The following NCALD variants were observed in gnomAD, a reference collection of about 807,000 sequenced individuals.
The protein encoded by NCALD is neurocalcin-delta.
Under a neutral mutation model 18.6 loss-of-function variants are expected in NCALD, and 10 were observed. The ratio of observed to expected loss-of-function variants is 0.54; its 90% confidence interval spans 0.33 to 0.91. NCALD has a LOEUF of 0.91. NCALD is among the 40% of genes least tolerant of loss of function. The probability of loss-of-function intolerance (pLI) is 0.03; values close to 1 mark genes in which losing one functional copy is unlikely to be tolerated. For synonymous variants in NCALD, 88 were observed against 87.4 expected (o/e 1.01, Z -0.04); for missense variants, 184 against 247.6 (o/e 0.74, Z 1.72).
chr8:101,819,203 A>T (rs940076890), intron 4 of NCALD, among the ~76,000 whole-genome samples: 1 of 151,700 alleles, frequency 6.6e-6, no homozygotes, highest in Non-Finnish European at 1.5e-5. Context: ...TGAATATACC[A>T]TTTTCCCACA....
intron 2 of NCALD, among the ~76,000 whole-genome samples, chr8:101,934,067 T>C (rs1356745670): frequency 6.6e-6 from 1 of 152,192 alleles, no homozygotes; most frequent in Non-Finnish European, 1.5e-5. Context: ...CTCAGTTAGA[T>C]GATGAAGAGG....
At chr8:102,112,053 C>T (rs1181480327) in intron 1 of NCALD, among the ~76,000 whole-genome samples, 1 of 152,244 alleles carries the variant, frequency 6.6e-6, no homozygotes, top group South Asian at 2.1e-4. Context: ...AAAACAAAAA[C>T]ATTTTAGTAA....
At position 101,693,327 on chromosome 8, in the gene NCALD, T is replaced by TG. The variant is rs1814828096; in HGVS notation, c.379-432_379-431insC. The TG allele has an allele frequency of 3.2e-5, 3 of 94,332 alleles. No homozygotes were observed. The South Asian group carries it at 1.6e-3, about 51-fold the overall frequency. 5.8% of individuals were successfully genotyped at this position (94,332 alleles called of 1,614,324 possible). A position where few individuals can be genotyped will look rare whatever the true frequency, so the allele number is the denominator to read the frequency against. ...CCCCACCACACAGGGCGTTTTTTTT[T>TG]TTTTTTTTTTTTTTTTTTTTTTTTC... On this transcript the variant is annotated intron_variant, in intron 2 of 3. Transcript: ENST00000220931.
In NCALD at chr8:101,717,331, T is replaced by C. The variant is rs529183573; in HGVS notation, c.378+1921A>G. On this transcript the variant is annotated intron_variant, in intron 2 of 3. Coordinates refer to ENST00000220931, the MANE Select transcript of NCALD (RefSeq NM_032041.3). The stretch of plus-strand genomic sequence containing the variant: ...GACTTGGAGTCCTATACCCCATTCA[T>C]TGTCAAGCTTAATTAATTATAAACT... Among the ~76,000 whole-genome samples the C allele has an allele frequency of 4.6e-5, 7 of 152,352 alleles. No homozygotes were observed. In the South Asian group the frequency reaches 1.2e-3, roughly 27 times the overall value.
At chr8:101,753,654 T>C (rs10216921) in intron 1 of NCALD, among the ~76,000 whole-genome samples, 93,576 of 151,940 alleles carry the variant, frequency 0.62, 31,570 homozygotes, top group Non-Finnish European at 0.75. Context: ...AGGGTAGGGG[T>C]GGGGTTCCAA....
At chr8:101,854,157 T>C (rs1815210183) in intron 4 of NCALD, among the ~76,000 whole-genome samples, 1 of 152,220 alleles carries the variant, frequency 6.6e-6, no homozygotes, top group African/African-American at 2.4e-5. Flanking sequence ...TATTCCCTTA[T>C]GCCAACGAGG....
chr8:101,799,694 C>A (rs1188609148), intron 4 of NCALD, among the ~76,000 whole-genome samples: 1 of 152,154 alleles, frequency 6.6e-6, no homozygotes, highest in East Asian at 1.9e-4. Flanking sequence ...CTGTATGAAT[C>A]CACTTCCGTA....
At chr8:101,825,699 T>C (rs1281800905) in intron 4 of NCALD, among the ~76,000 whole-genome samples, 1 of 152,222 alleles carries the variant, frequency 6.6e-6, no homozygotes, top group Non-Finnish European at 1.5e-5. Context: ...AATCAGACTC[T>C]GAGTTCCCTT....
Position 101,804,035 on chromosome 8 carries a change from G to A in NCALD, c.-20+83106C>T, listed in dbSNP as rs113570587. Among the ~76,000 whole-genome samples, 610 of 151,930 alleles carry A rather than the reference G, an allele frequency of 4.0e-3. 8 individuals carry two copies. The highest frequency in any genetic ancestry group is 0.014 in the African/African-American group (565 of 41,438). On this transcript the variant is annotated intron_variant, in intron 4 of 6. Coordinates refer to the NCALD transcript ENST00000311028. ...ATAGCCACCCCAACCTTCAGCAATC[G>A]CCAGCCTGATCAGTCAGCAGCCATC...
intron 3 of NCALD, among the ~76,000 whole-genome samples, chr8:101,898,978 C>G (rs993717395): frequency 3.3e-5 from 5 of 152,002 alleles, no homozygotes; most frequent in Admixed American, 2.6e-4. Context: ...TTGGGGAGAA[C>G]TGACATCTTT....
intron 4 of NCALD, among the ~76,000 whole-genome samples, chr8:101,806,810 A>G (rs1277860424): frequency 6.6e-6 from 1 of 152,158 alleles, no homozygotes; most frequent in East Asian, 1.9e-4. Context: ...AAAGAAGCTA[A>G]TGAACTCCAA....
intron 1 of NCALD, among the ~76,000 whole-genome samples, chr8:102,099,846 C>G (rs1825218019): frequency 6.6e-6 from 1 of 151,940 alleles, no homozygotes; most frequent in Admixed American, 6.6e-5. Flanking sequence ...GCAGTGCACA[C>G]TTGTAATCCC....
intron 1 of NCALD, among the ~76,000 whole-genome samples, chr8:101,724,508 A>G (rs1372301522): frequency 1.3e-5 from 2 of 152,168 alleles, no homozygotes; most frequent in Admixed American, 6.5e-5. Context: ...CAGTTTTCTC[A>G]TCTGTAAAAT....
At chr8:101,782,652 CTCA>C (rs1812063676) in intron 1 of NCALD, among the ~76,000 whole-genome samples, 1 of 152,182 alleles carries the variant, frequency 6.6e-6, no homozygotes, top group Non-Finnish European at 1.5e-5. Flanking sequence ...CTAGAATGTT[CTCA>C]TCATGCTTCT....
intron 4 of NCALD, among the ~76,000 whole-genome samples, chr8:101,827,118 G>GT (rs1347580632): frequency 6.6e-6 from 1 of 152,180 alleles, no homozygotes; most frequent in African/African-American, 2.4e-5. Context: ...AAACTCCAGG[G>GT]TAGAAGCCCT....
At position 102,036,348 on chromosome 8, in the gene NCALD, T is replaced by C. The variant is rs117902465; in HGVS notation, c.-209-16059A>G. 0.01 allele frequency among the ~76,000 whole-genome samples: 1,569 copies of C among 151,606 alleles called. 68 individuals are homozygous for C. The East Asian group carries it at 0.12, about 11-fold the overall frequency. On this transcript the variant is annotated intron_variant, in intron 1 of 6. Transcript: ENST00000311028. Reference sequence around the variant, plus strand: ...CTTAATATATATATCACTATATATATCTTTTTTCACTTAAAAGAGAAAAGT... The same window carrying C: ...CTTAATATATATATCACTATATATACCTTTTTTCACTTAAAAGAGAAAAGT...
chr8:102,107,163 AATT>A (rs1292756429), intron 1 of NCALD, among the ~76,000 whole-genome samples: 2 of 145,434 alleles, frequency 1.4e-5, no homozygotes, highest in African/African-American at 5.0e-5. Flanking sequence ...TAATTTAAAA[AATT>A]ATTTATCTAC....
chr8:101,754,248 T>C (rs1319651835), intron 1 of NCALD, among the ~76,000 whole-genome samples: 1 of 152,218 alleles, frequency 6.6e-6, no homozygotes, highest in African/African-American at 2.4e-5. Context: ...TTTTTCTGTA[T>C]GTTGGAAACT....
intron 3 of NCALD, among the ~76,000 whole-genome samples, chr8:101,894,225 A>T (rs1208671376): frequency 7.8e-6 from 1 of 128,166 alleles, no homozygotes; most frequent in Non-Finnish European, 1.6e-5. Flanking sequence ...AAGCCGCTCA[A>T]CTACATGGAA....
Sources: allele counts gnomAD v4.1 joint callset (sites outside exome capture counted in the v4.1 genomes callset), GRCh38; gene constraint gnomAD v4.1.1; transcripts MANE v1.5; gene names NCBI Gene and HGNC (gene_info 2026-07-23, HGNC 2026-07-21).